Variants in ALK observed in about 807,000 individuals in gnomAD.
ALK encodes the protein ALK tyrosine kinase receptor.
In ALK, 74 loss-of-function variants were observed where a neutral mutation model predicts 163.1. That is an observed-to-expected ratio of 0.45 (90% confidence interval 0.38 to 0.55). The LOEUF (loss-of-function observed/expected upper bound fraction) is 0.55, where lower values mean the gene tolerates loss of function less well. ALK is among the 20% of genes least tolerant of loss of function. The pLI, the probability that ALK is intolerant of heterozygous loss-of-function variation, is 0.00. For missense variants in ALK, 2,063 were observed against 2,105.3 expected, an observed-to-expected ratio of 0.98 and a Z score of 0.39; for synonymous variants, 960 against 843.2, an observed-to-expected ratio of 1.14 and a Z score of -2.40.
chr2:29,696,943 A>T (rs1354479142), intron 2 of ALK, among the ~76,000 whole-genome samples: 2 of 151,252 alleles, frequency 1.3e-5, no homozygotes, highest in Non-Finnish European at 2.9e-5. Context: ...AAAATAAAAT[A>T]AAATAAATAA....
intron 1 of ALK, among the ~76,000 whole-genome samples, chr2:29,822,480 AG>A (rs1359510079): frequency 6.6e-6 from 1 of 152,208 alleles, no homozygotes; most frequent in Non-Finnish European, 1.5e-5. Flanking sequence ...GTATAGTCAA[AG>A]TCACATGGTT....
intron 3 of ALK, among the ~76,000 whole-genome samples, chr2:29,661,461 G>C (rs903500410): frequency 1.3e-5 from 2 of 152,090 alleles, no homozygotes; most frequent in African/African-American, 4.8e-5. Flanking sequence ...TCTATGATTC[G>C]GATAAGAATA....
intron 3 of ALK, among the ~76,000 whole-genome samples, chr2:29,680,254 T>C (rs546670479): frequency 9.2e-5 from 14 of 152,144 alleles, no homozygotes; most frequent in African/African-American, 2.9e-4. Context: ...GGCCATTATT[T>C]CTTCAAAAAA....
intron 23 of ALK, 132 bp downstream of exon 23, chr2:29,220,574 C>T (rs1669773273): frequency 1.5e-5 from 19 of 1,281,978 alleles, no homozygotes; most frequent in Non-Finnish European, 2.0e-5. Context: ...CAGTCACCCC[C>T]CTGTCCAAGC....
intron 3 of ALK, among the ~76,000 whole-genome samples, chr2:29,619,158 C>T (rs1675951939): frequency 6.6e-6 from 1 of 152,108 alleles, no homozygotes; most frequent in Non-Finnish European, 1.5e-5. Context: ...GCAATAGTAC[C>T]AAGTAACTGA....
intron 1 of ALK, among the ~76,000 whole-genome samples, chr2:29,871,010 G>T (rs977572563): frequency 6.6e-6 from 1 of 152,168 alleles, no homozygotes; most frequent in Non-Finnish European, 1.5e-5. Flanking sequence ...ACTGTTTTAC[G>T]CATCAGCCCT....
chr2:29,738,770 T>C (rs1679965561), intron 1 of ALK, among the ~76,000 whole-genome samples: 1 of 152,116 alleles, frequency 6.6e-6, no homozygotes, highest in Non-Finnish European at 1.5e-5. Flanking sequence ...CATGAGCCAT[T>C]TGCTCTACTT....
At chr2:29,620,799 C>A (rs1299241898) in intron 3 of ALK, among the ~76,000 whole-genome samples, 1 of 152,118 alleles carries the variant, frequency 6.6e-6, no homozygotes, top group East Asian at 1.9e-4. Context: ...ATAATAACCC[C>A]GCGCCTCGGG....
intron 4 of ALK, among the ~76,000 whole-genome samples, chr2:29,503,875 C>G (rs1413651873): frequency 6.6e-6 from 1 of 151,928 alleles, no homozygotes; most frequent in Non-Finnish European, 1.5e-5. Flanking sequence ...ATAATGAGAT[C>G]CATAAAGTTC....
At chr2:29,895,619 T>C (rs1032786474) in intron 1 of ALK, among the ~76,000 whole-genome samples, 8 of 152,220 alleles carry the variant, frequency 5.3e-5, no homozygotes, top group Admixed American at 2.0e-4. Context: ...TAAATGAGTG[T>C]TGCATGATTG....
At chr2:29,584,488 T>C (rs1330021022) in intron 3 of ALK, among the ~76,000 whole-genome samples, 1 of 152,192 alleles carries the variant, frequency 6.6e-6, no homozygotes, top group Non-Finnish European at 1.5e-5. Context: ...TATGCAGGCA[T>C]CCACACATCC....
chr2:29,284,853 G>A lies in ALK; in HGVS notation c.1818-9357C>T, dbSNP rs537081107. On this transcript the variant is annotated intron_variant, in intron 9 of 28. Coordinates refer to ENST00000389048, the MANE Select transcript of ALK (RefSeq NM_004304.5). ...GTTGCACATCGTGTGCTGAGCCACC[G>A]GCCGCATCTCTTCTCCTCTTCTTGA... Among the ~76,000 whole-genome samples the A allele has an allele frequency of 3.3e-5, 5 of 152,250 alleles. No homozygotes were observed. In the East Asian group the frequency reaches 5.8e-4, roughly 18 times the overall value.
At chr2:29,530,527 A>G (rs1673094148) in intron 4 of ALK, among the ~76,000 whole-genome samples, 2 of 152,256 alleles carry the variant, frequency 1.3e-5, no homozygotes, top group African/African-American at 4.8e-5. Flanking sequence ...GGTCTCTGCC[A>G]GTCCTGGTAG....
intron 1 of ALK, among the ~76,000 whole-genome samples, chr2:29,821,322 T>G (rs1665042021): frequency 6.6e-6 from 1 of 151,980 alleles, no homozygotes; most frequent in South Asian, 2.1e-4. Flanking sequence ...GGCTCTAGCT[T>G]GGTTTTACTC....
chr2:29,787,318 AC>A (rs1664061214), intron 1 of ALK, among the ~76,000 whole-genome samples: 1 of 152,226 alleles, frequency 6.6e-6, no homozygotes, highest in Admixed American at 6.5e-5. Context: ...GGTAGGGGAT[AC>A]AAAGATGAAT....
At chr2:29,251,912 C>T (rs566798872) in intron 11 of ALK, among the ~76,000 whole-genome samples, 69 of 152,312 alleles carry the variant, frequency 4.5e-4, no homozygotes, top group South Asian at 1.4e-3. Context: ...GCCTGTCAGA[C>T]GCTCCCTAAC....
At chr2:29,584,753 CA>C (rs1422314960) in intron 3 of ALK, among the ~76,000 whole-genome samples, 1 of 152,188 alleles carries the variant, frequency 6.6e-6, no homozygotes, top group Non-Finnish European at 1.5e-5. Flanking sequence ...AGCATGGTGA[CA>C]TCAGTTGTAT....
chr2:29,464,083 C>A (rs1671149184), intron 4 of ALK, among the ~76,000 whole-genome samples: 1 of 152,168 alleles, frequency 6.6e-6, no homozygotes, highest in Admixed American at 6.5e-5. Context: ...CATGCCAGAT[C>A]AAAATCCAAC....
intron 1 of ALK, among the ~76,000 whole-genome samples, chr2:29,795,819 C>CT (rs1267525236): frequency 6.6e-6 from 1 of 152,012 alleles, no homozygotes; most frequent in African/African-American, 2.4e-5. Context: ...TTAATTTCTT[C>CT]TTTTTCAATT....
Sources: gnomAD v4.1 joint callset for allele counts (sites outside exome capture counted in the v4.1 genomes callset) on GRCh38, gnomAD v4.1.1 for gene constraint, MANE v1.5 for transcripts, NCBI Gene and HGNC (gene_info 2026-07-23, HGNC 2026-07-21) for gene names.